RHOBTB3: variants seen among roughly 807,000 people sequenced by gnomAD.
The protein encoded by RHOBTB3 is rho-related BTB domain-containing protein 3.
Under a neutral mutation model 67.2 loss-of-function variants are expected in RHOBTB3, and 47 were observed. The observed-to-expected ratio is 0.70, with a 90% CI of 0.55 to 0.89. The LOEUF (loss-of-function observed/expected upper bound fraction) is 0.89. RHOBTB3 is among the 40% of genes least tolerant of loss of function. The pLI, the probability that RHOBTB3 is intolerant of heterozygous loss-of-function variation, is 0.00. For synonymous variants in RHOBTB3, 273 were observed against 274.2 expected (o/e 1.00, Z 0.04); for missense variants, 631 against 750.0 (o/e 0.84, Z 1.85).
chr5:95,760,302 A>G (rs1482993427), intron 6 of RHOBTB3, among the ~76,000 whole-genome samples: 1 of 152,222 alleles, frequency 6.6e-6, no homozygotes, highest in African/African-American at 2.4e-5. Context: ...TTCAGGGAGT[A>G]ATTCTTACAT....
At chr5:95,768,254 G>A (rs1745607454) in intron 8 of RHOBTB3, 88 bp downstream of exon 8, 1 of 1,300,898 alleles carries the variant, frequency 7.7e-7, no homozygotes, top group Middle Eastern at 1.9e-4. Flanking sequence ...AATGTTTGGT[G>A]TGAAGGAATG....
intron 2 of RHOBTB3, among the ~76,000 whole-genome samples, chr5:95,735,419 A>G (rs1755430719): frequency 6.6e-6 from 1 of 152,108 alleles, no homozygotes; most frequent in African/African-American, 2.4e-5. Flanking sequence ...TGGGGGAGGC[A>G]CTGATGAGAA....
chr5:95,771,708 CT>C (rs922813745), intron 8 of RHOBTB3, among the ~76,000 whole-genome samples: 2 of 152,144 alleles, frequency 1.3e-5, no homozygotes, highest in African/African-American at 4.8e-5. Flanking sequence ...TAGGACACGC[CT>C]AGTCAGGGAT....
intron 6 of RHOBTB3, chr5:95,756,011 T>G (rs1745235320): frequency 9.3e-6 from 4 of 431,284 alleles, no homozygotes; most frequent in Non-Finnish European, 1.6e-5. Flanking sequence ...ACATAGAACA[T>G]AAATTTTACC....
intron 3 of RHOBTB3, among the ~76,000 whole-genome samples, chr5:95,745,321 T>G (rs781384618): frequency 4.6e-5 from 7 of 152,166 alleles, no homozygotes; most frequent in Non-Finnish European, 1.0e-4. Context: ...TTTGACAACT[T>G]TGACCCTATG....
In RHOBTB3 at chr5:95,757,398, G is replaced by A. The variant is rs150903762; in HGVS notation, c.1048+1637G>A. The stretch of plus-strand genomic sequence containing the variant: ...ATGTAGCGATAACCTGTTAGGCTAA[G>A]GTCACTCCTGCTCTGCAGTGTGTCT... On this transcript the variant is annotated intron_variant, in intron 6 of 11. Coordinates refer to ENST00000379982, the MANE Select transcript of RHOBTB3 (RefSeq NM_014899.4). 3.2e-3 allele frequency among the ~76,000 whole-genome samples: 491 copies of A among 152,246 alleles called. 5 individuals are homozygous for A. The highest frequency in any genetic ancestry group is 4.2e-3 in the Non-Finnish European group (284 of 68,000).
chr5:95,720,321 T>C (rs1754831453), intron 1 of RHOBTB3, among the ~76,000 whole-genome samples: 2 of 91,664 alleles, frequency 2.2e-5, no homozygotes, highest in Non-Finnish European at 3.7e-5. Context: ...AGTGACTCTA[T>C]TTAGATCAAT....
At chr5:95,764,568 A>G (rs1335596548) in intron 7 of RHOBTB3, among the ~76,000 whole-genome samples, 2 of 152,238 alleles carry the variant, frequency 1.3e-5, no homozygotes, top group African/African-American at 4.8e-5. Flanking sequence ...ACATTACACA[A>G]TTTAGCCAGT....
intron 6 of RHOBTB3, among the ~76,000 whole-genome samples, chr5:95,759,766 G>C (rs1026128206): frequency 1.3e-5 from 2 of 152,212 alleles, no homozygotes; most frequent in Non-Finnish European, 2.9e-5. Flanking sequence ...TTTTCCCACA[G>C]AAGTGCTGTG....
intron 3 of RHOBTB3, among the ~76,000 whole-genome samples, chr5:95,741,918 T>G (rs1230012165): frequency 6.6e-6 from 1 of 152,234 alleles, no homozygotes; most frequent in Non-Finnish European, 1.5e-5. Context: ...CATGGATTTC[T>G]ATTTTAAATT....
At chr5:95,718,179 A>C (rs1188925947) in intron 1 of RHOBTB3, among the ~76,000 whole-genome samples, 1 of 152,218 alleles carries the variant, frequency 6.6e-6, no homozygotes, top group Non-Finnish European at 1.5e-5. Context: ...CTTTTAAAAA[A>C]AGTTGCTTCT....
intron 10 of RHOBTB3, among the ~76,000 whole-genome samples, chr5:95,786,611 AT>A (rs1008374572): frequency 2.0e-5 from 3 of 152,160 alleles, no homozygotes; most frequent in Non-Finnish European, 4.4e-5. Flanking sequence ...TGTATTAAAA[AT>A]TTTAATGCAT....
Position 95,793,229 on chromosome 5 carries a change from C to A in RHOBTB3, c.*55C>A. The A allele has an allele frequency of 8.7e-7, 1 of 1,149,960 alleles. No homozygotes were observed. The highest frequency in any genetic ancestry group is 1.3e-6 in the Non-Finnish European group (1 of 796,098). The allele number at this position is 1,149,960 out of a possible 1,614,324, so 71.2% of individuals were successfully genotyped here. A position where few individuals can be genotyped will look rare whatever the true frequency, so the allele number is the denominator to read the frequency against. On this transcript the variant is annotated 3_prime_UTR_variant, in exon 12 of 12. Coordinates refer to ENST00000379982, the MANE Select transcript of RHOBTB3 (RefSeq NM_014899.4). ...TTTATTATTATGAAGAATGGGATAC[C>A]TCCAGGTTCCAGTAAAATTCTTCTG...
chr5:95,762,193 C>T (rs998554162), intron 6 of RHOBTB3, among the ~76,000 whole-genome samples: 1 of 152,172 alleles, frequency 6.6e-6, no homozygotes, highest in Non-Finnish European at 1.5e-5. Context: ...TATCATTTGA[C>T]TCCCTCCCCC....
At chr5:95,731,321 A>G, upstream of RHOBTB3, 5 of 1,075,066 alleles carry the variant, frequency 4.7e-6, no homozygotes, top group Non-Finnish European at 5.6e-6. Flanking sequence ...GAGGAGGAGG[A>G]GCAGCGGCAG....
At chr5:95,768,577 A>G (rs1745615275) in intron 8 of RHOBTB3, among the ~76,000 whole-genome samples, 1 of 152,126 alleles carries the variant, frequency 6.6e-6, no homozygotes, top group Admixed American at 6.5e-5. Flanking sequence ...AGCAAAAGGA[A>G]TTGACCATTA....
intron 6 of RHOBTB3, among the ~76,000 whole-genome samples, chr5:95,758,935 G>A (rs571573327): frequency 6.6e-6 from 1 of 152,330 alleles, no homozygotes; most frequent in Admixed American, 6.5e-5. Context: ...AGAGGCCCAG[G>A]AAGGCTACCA....
chr5:95,763,802 T>TTGTGTG (rs60736311), intron 7 of RHOBTB3, among the ~76,000 whole-genome samples, 182 bp downstream of exon 7: 56,889 of 148,748 alleles, frequency 0.38, 10,938 homozygotes, highest in Admixed American at 0.47. Context: ...GTATCTTAGA[T>TTGTGTG]TGTGTGTGTG....
rs1184318272 is a variant in RHOBTB3, at chr5:95,793,954, T to C, written c.*780T>C. 13 of 453,848 alleles carry C rather than the reference T, an allele frequency of 2.9e-5. No homozygotes were observed. The highest frequency in any genetic ancestry group is 3.3e-4 in the Middle Eastern group (1 of 3,074). The allele number at this position is 453,848 out of a possible 1,614,324, so 28.1% of individuals were successfully genotyped here. A position where few individuals can be genotyped will look rare whatever the true frequency, so the allele number is the denominator to read the frequency against. On this transcript the variant is annotated 3_prime_UTR_variant, in exon 12 of 12. Coordinates refer to ENST00000379982, the MANE Select transcript of RHOBTB3 (RefSeq NM_014899.4). Reference sequence around the variant, plus strand: ...ATTTTGTGCTGAGCCCTCAAAATTATGTCTGTTTCGTGGTGGGAAATATCC... The same window carrying C: ...ATTTTGTGCTGAGCCCTCAAAATTACGTCTGTTTCGTGGTGGGAAATATCC...
Sources: gnomAD v4.1 joint callset for allele counts (sites outside exome capture counted in the v4.1 genomes callset) on GRCh38, gnomAD v4.1.1 for gene constraint, MANE v1.5 for transcripts, NCBI Gene and HGNC (gene_info 2026-07-23, HGNC 2026-07-21) for gene names.